PCDHA13: variants seen among roughly 807,000 people sequenced by gnomAD.
PCDHA13 encodes protocadherin alpha 13.
In PCDHA13, 54 loss-of-function variants were observed where a neutral mutation model predicts 64.8. That is an observed-to-expected ratio of 0.83 (90% CI 0.67 to 1.04). The LOEUF is 1.04. PCDHA13 is among the 50% of genes least tolerant of loss of function. PCDHA13 has a pLI of 0.00. For missense variants in PCDHA13, 1,248 were observed against 1,254.3 expected (o/e 0.99, Z 0.08); for synonymous variants, 587 against 564.4 (o/e 1.04, Z -0.57).
intron 1 of PCDHA13, among the ~76,000 whole-genome samples, chr5:140,937,108 G>A (rs1014984809): frequency 7.3e-5 from 11 of 151,276 alleles, no homozygotes; most frequent in Non-Finnish European, 1.5e-4. Context: ...CGCAGTCTCG[G>A]CTCACTGCAA....
chr5:140,988,750 C>G (rs1282256432), intron 3 of PCDHA13, among the ~76,000 whole-genome samples: 1 of 152,074 alleles, frequency 6.6e-6, no homozygotes, highest in Non-Finnish European at 1.5e-5. Context: ...GATTGGTGGC[C>G]TGGGCAGAAT....
chr5:140,886,129 A>G (rs1428853250), intron 1 of PCDHA13, among the ~76,000 whole-genome samples: 1 of 152,224 alleles, frequency 6.6e-6, no homozygotes, highest in Non-Finnish European at 1.5e-5. Flanking sequence ...TTCCGTAACA[A>G]CCAGATTCTT....
chr5:140,923,451 C>T (rs1256990906), intron 1 of PCDHA13, among the ~76,000 whole-genome samples: 2 of 151,914 alleles, frequency 1.3e-5, no homozygotes, highest in African/African-American at 4.8e-5. Context: ...TCACCTGAGC[C>T]CAGAGAGGTA....
chr5:140,918,925 T>C (rs2078925990), intron 1 of PCDHA13, among the ~76,000 whole-genome samples: 1 of 152,238 alleles, frequency 6.6e-6, no homozygotes, highest in Non-Finnish European at 1.5e-5. Context: ...ACACAGCATA[T>C]GGCATTTTGT....
At chr5:140,962,358 T>C (rs1167082870) in intron 1 of PCDHA13, among the ~76,000 whole-genome samples, 4 of 152,230 alleles carry the variant, frequency 2.6e-5, no homozygotes, top group Non-Finnish European at 5.9e-5. Context: ...CCCCCAATAC[T>C]GGCTAGTTTG....
chr5:140,975,149 T>A (rs990599895), intron 1 of PCDHA13, among the ~76,000 whole-genome samples: 1 of 152,202 alleles, frequency 6.6e-6, no homozygotes, highest in Non-Finnish European at 1.5e-5. Flanking sequence ...CACTCTCAGT[T>A]CCTAGAGAAC....
Position 140,910,294 on chromosome 5 carries a change from A to C in PCDHA13, c.2394+25632A>C, listed in dbSNP as rs146332329. Among the ~76,000 whole-genome samples, 1,310 of 151,558 alleles carry C rather than the reference A, an allele frequency of 8.6e-3. 14 individuals carry two copies. The highest frequency in any genetic ancestry group is 0.03 in the African/African-American group (1,252 of 41,252). ...TCTAGGAACACCATGATTAATCAAC[A>C]GATGCCAGAGATCTACATGAGTCAG... On this transcript the variant is annotated intron_variant, in intron 1 of 3. Transcript: ENST00000289272.
chr5:140,996,837 G>A (rs1382866699), intron 3 of PCDHA13, among the ~76,000 whole-genome samples: 7 of 151,992 alleles, frequency 4.6e-5, no homozygotes, highest in African/African-American at 7.3e-5. Flanking sequence ...ATAATTTAGC[G>A]TGCATCTTCA....
At chr5:140,981,859 C>A (rs2096954450) in intron 2 of PCDHA13, among the ~76,000 whole-genome samples, 1 of 152,118 alleles carries the variant, frequency 6.6e-6, no homozygotes, top group African/African-American at 2.4e-5. Flanking sequence ...TCACTCCCAG[C>A]AATGTTTTAT....
intron 1 of PCDHA13, among the ~76,000 whole-genome samples, chr5:140,895,800 T>C (rs1352398048): frequency 6.6e-6 from 1 of 152,182 alleles, no homozygotes; most frequent in Non-Finnish European, 1.5e-5. Context: ...ATATGTACAA[T>C]ACTGTATTGT....
chr5:140,905,611 T>A (rs1396340503), intron 1 of PCDHA13, among the ~76,000 whole-genome samples: 1 of 152,224 alleles, frequency 6.6e-6, no homozygotes, highest in African/African-American at 2.4e-5. Flanking sequence ...ATTGAATCTA[T>A]AGATTGCTTT....
At chr5:140,966,603 G>A (rs567686852) in intron 1 of PCDHA13, 9 of 656,454 alleles carry the variant, frequency 1.4e-5, no homozygotes, top group African/African-American at 1.3e-4. Flanking sequence ...AGGAGCCCTT[G>A]GGAGGGCCTA....
chr5:140,924,229 T>A (rs543275737), intron 1 of PCDHA13, among the ~76,000 whole-genome samples: 4 of 152,376 alleles, frequency 2.6e-5, no homozygotes, highest in African/African-American at 9.6e-5. Flanking sequence ...TCAATTTTTA[T>A]GGGCTGTTTT....
intron 1 of PCDHA13, among the ~76,000 whole-genome samples, chr5:140,971,291 C>T (rs541777110): frequency 1.1e-4 from 17 of 152,164 alleles, no homozygotes; most frequent in Admixed American, 3.3e-4. Flanking sequence ...TTAATATGTA[C>T]TTTGGTACAC....
At chr5:140,940,717 G>T (rs1554213570) in intron 1 of PCDHA13, among the ~76,000 whole-genome samples, 1 of 152,130 alleles carries the variant, frequency 6.6e-6, no homozygotes, top group African/African-American at 2.4e-5. Flanking sequence ...GCTGTGTGCT[G>T]TTTCAGCTGG....
intron 1 of PCDHA13, among the ~76,000 whole-genome samples, chr5:140,963,436 T>C (rs148474994): frequency 0.01 from 1,563 of 152,364 alleles, 89 homozygotes; most frequent in Admixed American, 0.092. Context: ...ACTAACTTCA[T>C]ACTCTGTTGC....
rs1013599044 is a variant in PCDHA13, at chr5:140,900,058, C to T, written c.2394+15396C>T. ...TTCCTGGGCTCAAGTGATCCTTTAACCTCAGCCTCCAAAAGTGCTGCAGTT... is the reference window on the plus strand; with the variant it reads ...TTCCTGGGCTCAAGTGATCCTTTAATCTCAGCCTCCAAAAGTGCTGCAGTT... On this transcript the variant is annotated intron_variant, in intron 1 of 3. Coordinates refer to ENST00000289272, the MANE Select transcript of PCDHA13 (RefSeq NM_018904.3). Among the ~76,000 whole-genome samples the T allele has an allele frequency of 2.0e-5, 3 of 152,160 alleles. 1 individual carries two copies. Among genetic ancestry groups the T allele is most frequent in the Non-Finnish European group, 1.5e-5 (1 of 68,028 alleles).
chr5:140,927,640 A>G (rs2084459027), intron 1 of PCDHA13: 8 of 1,614,138 alleles, frequency 5.0e-6, no homozygotes, highest in Non-Finnish European at 6.8e-6. Flanking sequence ...ACCCAATGGG[A>G]CTGTGTTATT....
At chr5:140,984,730 T>C (rs956611464) in intron 3 of PCDHA13, among the ~76,000 whole-genome samples, 4 of 152,186 alleles carry the variant, frequency 2.6e-5, no homozygotes, top group Non-Finnish European at 4.4e-5. Context: ...ATTAAGATTA[T>C]GATTTAGAGT....
Sources: allele counts gnomAD v4.1 joint callset (sites outside exome capture counted in the v4.1 genomes callset), GRCh38; gene constraint gnomAD v4.1.1; transcripts MANE v1.5; gene names NCBI Gene and HGNC (gene_info 2026-07-23, HGNC 2026-07-21).